The following NXPH1 variants were observed in gnomAD, a reference collection of about 807,000 sequenced individuals.
NXPH1 encodes the protein neurexophilin-1.
In NXPH1, 5 loss-of-function variants were observed where a neutral mutation model predicts 23.7. That is an observed-to-expected ratio of 0.21 (90% CI 0.11 to 0.44). NXPH1 has a LOEUF of 0.44. Among genes scored for constraint, NXPH1 ranks in the 20% least tolerant of loss-of-function variants. The pLI, the probability that NXPH1 is intolerant of heterozygous loss-of-function variation, is 0.99. For synonymous variants in NXPH1, 144 were observed against 122.2 expected, an observed-to-expected ratio of 1.18 and a Z score of -1.18; for missense variants, 324 against 321.6, an observed-to-expected ratio of 1.01 and a Z score of -0.06.
Position 8,558,317 on chromosome 7 carries a change from A to G in NXPH1, c.54+122550A>G, listed in dbSNP as rs1452544934. Among the ~76,000 whole-genome samples the G allele has an allele frequency of 6.6e-5, 10 of 151,642 alleles. 1 individual carries two copies. The highest frequency in any genetic ancestry group is 5.3e-4 in the Admixed American group (8 of 15,192). On this transcript the variant is annotated intron_variant, in intron 2 of 2. Coordinates refer to ENST00000405863, the MANE Select transcript of NXPH1 (RefSeq NM_152745.3). Reference sequence around the variant, plus strand: ...TTGGGAGGTGGGAACTCCTGTGCATAATGGAAGCGAGTTGTAATTCTTCCA... The same window carrying G: ...TTGGGAGGTGGGAACTCCTGTGCATGATGGAAGCGAGTTGTAATTCTTCCA...
At chr7:8,634,381 A>G (rs1227526508) in intron 2 of NXPH1, among the ~76,000 whole-genome samples, 1 of 152,120 alleles carries the variant, frequency 6.6e-6, no homozygotes. Flanking sequence ...GCCATGTGGA[A>G]CTGGGAGTCC....
chr7:8,717,327 G>A (rs1779893759), intron 2 of NXPH1, among the ~76,000 whole-genome samples: 1 of 152,064 alleles, frequency 6.6e-6, no homozygotes, highest in Non-Finnish European at 1.5e-5. Context: ...AAAACAAGAA[G>A]GATTTATTAT....
At chr7:8,643,037 G>C (rs1005581694) in intron 2 of NXPH1, among the ~76,000 whole-genome samples, 2 of 151,730 alleles carry the variant, frequency 1.3e-5, no homozygotes, top group African/African-American at 4.8e-5. Flanking sequence ...GCTAATTTTC[G>C]TATTTTTAGT....
chr7:8,711,686 A>G (rs1436966259), intron 2 of NXPH1, among the ~76,000 whole-genome samples: 1 of 152,190 alleles, frequency 6.6e-6, no homozygotes, highest in Non-Finnish European at 1.5e-5. Context: ...GTGTGTATGC[A>G]TACATATGTA....
At chr7:8,459,400 A>T (rs146351892) in intron 2 of NXPH1, among the ~76,000 whole-genome samples, 1 of 152,256 alleles carries the variant, frequency 6.6e-6, no homozygotes, top group East Asian at 1.9e-4. Flanking sequence ...AGAATCATGG[A>T]CTTCTGTAAT....
At chr7:8,584,150 C>T (rs548398856) in intron 2 of NXPH1, among the ~76,000 whole-genome samples, 52 of 152,212 alleles carry the variant, frequency 3.4e-4, no homozygotes, top group East Asian at 5.8e-4. Flanking sequence ...ATTTTATATA[C>T]GATCAAACTG....
intron 2 of NXPH1, among the ~76,000 whole-genome samples, chr7:8,614,026 T>A (rs1481909828): frequency 6.6e-6 from 1 of 151,888 alleles, no homozygotes. Context: ...AAAGTGAGAG[T>A]ATACTAAGTT....
At chr7:8,625,095 G>T (rs1199134125) in intron 2 of NXPH1, among the ~76,000 whole-genome samples, 1 of 152,084 alleles carries the variant, frequency 6.6e-6, no homozygotes, top group Admixed American at 6.6e-5. Flanking sequence ...ATGTGTCACA[G>T]TTGCTTTGAC....
chr7:8,604,062 G>C (rs112897298), intron 2 of NXPH1, among the ~76,000 whole-genome samples: 5 of 151,756 alleles, frequency 3.3e-5, no homozygotes, highest in African/African-American at 1.2e-4. Flanking sequence ...GTGTGCAAAT[G>C]AGGAAAAAAA....
At chr7:8,458,540 A>C (rs1349267425) in intron 2 of NXPH1, among the ~76,000 whole-genome samples, 1 of 152,202 alleles carries the variant, frequency 6.6e-6, no homozygotes, top group Non-Finnish European at 1.5e-5. Flanking sequence ...TGAAGTGACT[A>C]ATTCAAGATC....
chr7:8,452,660 A>G (rs10280658), intron 2 of NXPH1, among the ~76,000 whole-genome samples: 2,606 of 152,242 alleles, frequency 0.017, 90 homozygotes, highest in African/African-American at 0.06. Flanking sequence ...AGAGGGGAAA[A>G]GAAAGCCTTT....
At chr7:8,522,492 T>C (rs966363199) in intron 2 of NXPH1, among the ~76,000 whole-genome samples, 1 of 152,240 alleles carries the variant, frequency 6.6e-6, no homozygotes, top group African/African-American at 2.4e-5. Context: ...GTATGCATTA[T>C]TGATTTTATA....
At chr7:8,736,512 G>C (rs981792901) in intron 2 of NXPH1, among the ~76,000 whole-genome samples, 3 of 152,126 alleles carry the variant, frequency 2.0e-5, no homozygotes, top group South Asian at 2.1e-4. Context: ...TATGATTTCT[G>C]TTATTTTGCA....
Position 8,751,236 on chromosome 7 carries a change from A to C in NXPH1, c.283A>C (p.Thr95Pro). 1.2e-6 allele frequency: 2 copies of C among 1,613,902 alleles called. No homozygotes were observed. Among genetic ancestry groups the C allele is most frequent in the Non-Finnish European group, 1.7e-6 (2 of 1,179,816 alleles). Residue 95 changes from threonine (T) to proline (P), a missense_variant, in exon 3 of 3, where the codon ACA becomes CCA. By Grantham distance (38) the Thr-to-Pro change is conservative (BLOSUM62 -1). Transcript: ENST00000405863. This position sits in a 1 kb window ranked among gnomAD's most constrained non-coding sequence, Gnocchi z 4.5. ...CCTCTGGGACTGGCTGAGGAACTCC[A>C]CAGACCTTCAAGAGCCTCGGCCCAG... ...QDLWDWLRNS[T>P]DLQEPRPRAK... is the part of the protein sequence containing the mutation.
rs189841900 is a variant in NXPH1 at position 8,559,295 on chromosome 7, A to C, written c.54+123528A>C. 2.0e-5 allele frequency among the ~76,000 whole-genome samples: 3 copies of C among 151,766 alleles called. No individual in the cohort carries two copies. The East Asian group carries it at 5.9e-4, about 30-fold the overall frequency. ...TAGAACATTAATATGAACATACAAA[A>C]AAGTCTTAATTTGATTGAAAAAGAA... On this transcript the variant is annotated intron_variant, in intron 2 of 2. Coordinates refer to ENST00000405863, the MANE Select transcript of NXPH1 (RefSeq NM_152745.3).
At chr7:8,465,813 G>C (rs1816778364) in intron 2 of NXPH1, among the ~76,000 whole-genome samples, 1 of 152,166 alleles carries the variant, frequency 6.6e-6, no homozygotes, top group East Asian at 1.9e-4. Context: ...TGACTCTCAT[G>C]GGGATTACAG....
In NXPH1 at chr7:8,751,100, C is replaced by T; in HGVS notation, c.147C>T (p.Ser49=). The change falls in exon 3 of 3, where the codon AGC becomes AGT. Residue 49 remains serine, a synonymous_variant. Coordinates refer to ENST00000405863, the MANE Select transcript of NXPH1 (RefSeq NM_152745.3). The surrounding 1 kb of genome is among the most constrained non-coding windows in gnomAD (Gnocchi z 4.5). ...CACTAAAGCACATATGGACAGAAAG[C>T]AGCAAAGACTTGTCTATCAGCCGAC... is the stretch of plus-strand genomic sequence containing the variant. ...KSTLKHIWTE[S]SKDLSISRLL... is the part of the protein sequence containing the mutation. 1 of 1,613,818 alleles carries T rather than the reference C, an allele frequency of 6.2e-7. No individual in the cohort carries two copies. The highest frequency in any genetic ancestry group is 8.5e-7 in the Non-Finnish European group (1 of 1,179,776).
chr7:8,694,023 T>A (rs1325574933), intron 2 of NXPH1, among the ~76,000 whole-genome samples: 1 of 152,172 alleles, frequency 6.6e-6, no homozygotes, highest in Non-Finnish European at 1.5e-5. Flanking sequence ...AGGATGACAT[T>A]TGTAAAACAG....
At chr7:8,622,414 C>T (rs779709330) in intron 2 of NXPH1, among the ~76,000 whole-genome samples, 1 of 152,098 alleles carries the variant, frequency 6.6e-6, no homozygotes, top group Non-Finnish European at 1.5e-5. Context: ...AAGTCTAGTT[C>T]TTTCCCAACT....
Sources: allele counts gnomAD v4.1 joint callset (sites outside exome capture counted in the v4.1 genomes callset), GRCh38; gene constraint gnomAD v4.1.1; non-coding constraint Gnocchi (gnomAD v3.1); transcripts MANE v1.5; gene names NCBI Gene and HGNC (gene_info 2026-07-23, HGNC 2026-07-21).